CRACDL: variants seen among roughly 807,000 people sequenced by gnomAD.
CRACDL encodes the protein CRACD like, also known as CRACD-like protein.
A neutral mutation model predicts 70.6 loss-of-function variants in CRACDL; 26 were observed. That is an observed-to-expected ratio of 0.37 (90% CI 0.27 to 0.51). The LOEUF (loss-of-function observed/expected upper bound fraction) is 0.51, where lower values mean the gene tolerates loss of function less well. CRACDL is among the 20% of genes least tolerant of loss of function. The probability of loss-of-function intolerance (pLI) is 0.94; values close to 1 mark genes in which losing one functional copy is unlikely to be tolerated. For synonymous variants in CRACDL, 618 were observed against 615.2 expected (o/e 1.00, Z -0.07); for missense variants, 1,283 against 1,376.9 (o/e 0.93, Z 1.08).
intron 6 of CRACDL, among the ~76,000 whole-genome samples, chr2:98,826,753 G>A (rs1559218501): frequency 1.3e-5 from 2 of 152,284 alleles, no homozygotes; most frequent in East Asian, 3.9e-4. Context: ...ACGGACAGAC[G>A]GATGGATGAA....
At chr2:98,904,984 C>T (rs1391485248) in intron 1 of CRACDL, among the ~76,000 whole-genome samples, 2 of 151,380 alleles carry the variant, frequency 1.3e-5, no homozygotes, top group Admixed American at 6.6e-5. Context: ...GGCGCGGTGG[C>T]TCAAGCCTGT....
chr2:98,896,079 G>C (rs1292035830), intron 1 of CRACDL, among the ~76,000 whole-genome samples: 2 of 152,180 alleles, frequency 1.3e-5, no homozygotes, highest in African/African-American at 2.4e-5. Flanking sequence ...CTAAGACAGG[G>C]CAGAACCGGG....
Position 98,796,246 on chromosome 2 carries a change from C to T in CRACDL, c.2623G>A (p.Asp875Asn), listed in dbSNP as rs977359700. 4 of 1,614,014 alleles carry T rather than the reference C, an allele frequency of 2.5e-6. No individual in the cohort carries two copies. The African/African-American group carries it at 5.3e-5, about 22-fold the overall frequency. The change falls in exon 9 of 10, where the codon GAC becomes AAC. Residue 875 changes from aspartate (D) to asparagine (N), a missense_variant. Physicochemically the swap from Asp to Asn is conservative, Grantham distance 23. Coordinates refer to ENST00000397899, the MANE Select transcript of CRACDL (RefSeq NM_207362.3). ...ERGQEPVKQA[D>N]FVRSKSFLIT... ...AGGAAAGACTTGCTGCGAACAAAGTCAGCTTGCTTCACAGGCTCCTGTTGG... is the reference window on the plus strand; with the variant it reads ...AGGAAAGACTTGCTGCGAACAAAGTTAGCTTGCTTCACAGGCTCCTGTTGG...
chr2:98,878,865 T>C (rs953500899), intron 1 of CRACDL, among the ~76,000 whole-genome samples: 3 of 152,206 alleles, frequency 2.0e-5, no homozygotes, highest in Non-Finnish European at 2.9e-5. Context: ...AAATCCTAAA[T>C]TGAACCACTG....
chr2:98,814,342 G>C lies in CRACDL; in HGVS notation c.2416+7515C>G, dbSNP rs1371709371. 3.3e-5 allele frequency among the ~76,000 whole-genome samples: 5 copies of C among 152,142 alleles called. No individual in the cohort carries two copies. The South Asian group carries it at 1.0e-3, about 32-fold the overall frequency. On this transcript the variant is annotated intron_variant, in intron 7 of 9. Transcript: ENST00000397899. ...AGTTTATCTGCATTCCACAAATTTTGATATGTTGTATTTTCATTTTAATCC... is the reference window on the plus strand; with the variant it reads ...AGTTTATCTGCATTCCACAAATTTTCATATGTTGTATTTTCATTTTAATCC...
chr2:98,889,077 G>C (rs1003993424), intron 1 of CRACDL, among the ~76,000 whole-genome samples: 1 of 148,660 alleles, frequency 6.7e-6, no homozygotes, highest in African/African-American at 2.5e-5. Flanking sequence ...GCAGAGAGCC[G>C]AGATCATGCC....
chr2:98,872,222 G>A (rs1249360175), intron 1 of CRACDL, among the ~76,000 whole-genome samples: 1 of 152,208 alleles, frequency 6.6e-6, no homozygotes, highest in African/African-American at 2.4e-5. Context: ...GCCGGGCGTG[G>A]TGGCACATGC....
chr2:98,816,104 G>T (rs991383243), intron 7 of CRACDL, among the ~76,000 whole-genome samples: 13 of 152,296 alleles, frequency 8.5e-5, no homozygotes, highest in Non-Finnish European at 1.2e-4. Context: ...GCCTGCAGGG[G>T]TTGTTGATAC....
At chr2:98,871,972 C>T (rs1027434790) in intron 1 of CRACDL, among the ~76,000 whole-genome samples, 7 of 152,290 alleles carry the variant, frequency 4.6e-5, no homozygotes, top group African/African-American at 1.2e-4. Context: ...ATGTACACCA[C>T]GGAATATTAC....
At chr2:98,814,909 T>C (rs1206600286) in intron 7 of CRACDL, among the ~76,000 whole-genome samples, 1 of 152,192 alleles carries the variant, frequency 6.6e-6, no homozygotes, top group Non-Finnish European at 1.5e-5. Flanking sequence ...TTCACCAATA[T>C]TACTGAAATT....
At chr2:98,894,353 C>A (rs939280797) in intron 1 of CRACDL, among the ~76,000 whole-genome samples, 1 of 151,680 alleles carries the variant, frequency 6.6e-6, no homozygotes, top group African/African-American at 2.4e-5. Flanking sequence ...TGTGAATTAG[C>A]ACACAGAAGC....
intron 1 of CRACDL, among the ~76,000 whole-genome samples, chr2:98,923,501 A>G (rs926906377): frequency 3.9e-5 from 6 of 152,190 alleles, no homozygotes; most frequent in Admixed American, 3.9e-4. Context: ...GCAAATTGCA[A>G]AAGGAGAGCC....
intron 1 of CRACDL, among the ~76,000 whole-genome samples, chr2:98,895,909 C>T (rs1708111248): frequency 6.6e-6 from 1 of 152,106 alleles, no homozygotes; most frequent in Admixed American, 6.6e-5. Context: ...CTCGCTTGCC[C>T]CTTCCACCAT....
chr2:98,805,361 C>T (rs1704243022), intron 7 of CRACDL, among the ~76,000 whole-genome samples: 1 of 152,138 alleles, frequency 6.6e-6, no homozygotes, highest in South Asian at 2.1e-4. Flanking sequence ...GCCTAGCTCC[C>T]TGTGCACATA....
chr2:98,800,102 G>T (rs1704009519), intron 7 of CRACDL, among the ~76,000 whole-genome samples: 1 of 152,134 alleles, frequency 6.6e-6, no homozygotes, highest in Admixed American at 6.5e-5. Context: ...GTTTCACCTT[G>T]TTTGCTATGA....
Position 98,882,803 on chromosome 2 carries a change from G to A in CRACDL, c.-10-35993C>T, listed in dbSNP as rs1037321504. Among the ~76,000 whole-genome samples the A allele has an allele frequency of 1.3e-5, 2 of 152,220 alleles. 1 individual carries two copies. The highest frequency in any genetic ancestry group is 2.9e-5 in the Non-Finnish European group (2 of 68,030). On this transcript the variant is annotated intron_variant, in intron 1 of 9. Coordinates refer to ENST00000397899, the MANE Select transcript of CRACDL (RefSeq NM_207362.3). ...TCCATTTTTAGATCTGTAGAACAAA[G>A]GGGCTTGGGATACTTTCAGGACTTT...
At chr2:98,807,755 G>T (rs1704376380) in intron 7 of CRACDL, among the ~76,000 whole-genome samples, 1 of 152,208 alleles carries the variant, frequency 6.6e-6, no homozygotes, top group Non-Finnish European at 1.5e-5. Flanking sequence ...GTTAGCTATT[G>T]TTGTTATTAT....
chr2:98,848,911 G>A (rs948079499), intron 1 of CRACDL, among the ~76,000 whole-genome samples: 4 of 152,166 alleles, frequency 2.6e-5, no homozygotes, highest in South Asian at 2.1e-4. Context: ...GATATTAAGC[G>A]GTTTATTAAC....
intron 7 of CRACDL, among the ~76,000 whole-genome samples, chr2:98,813,260 G>T (rs1228473416): frequency 6.6e-6 from 1 of 152,136 alleles, no homozygotes; most frequent in Admixed American, 6.5e-5. Context: ...GTGAAACCCT[G>T]TCTTCACTAA....
Sources: gnomAD v4.1 joint callset for allele counts (sites outside exome capture counted in the v4.1 genomes callset) on GRCh38, gnomAD v4.1.1 for gene constraint, MANE v1.5 for transcripts, NCBI Gene and HGNC (gene_info 2026-07-23, HGNC 2026-07-21) for gene names.